PDZD2: variants seen among roughly 807,000 people sequenced by gnomAD.
PDZD2 encodes the protein PDZ domain containing 2, also known as PDZ domain-containing protein 2.
PDZD2 carries 90 observed loss-of-function variants against 220.7 expected under a neutral mutation model. The ratio of observed to expected loss-of-function variants is 0.41; its 90% CI spans 0.34 to 0.49. The LOEUF is 0.49. Among genes scored for constraint, PDZD2 ranks in the 20% least tolerant of loss-of-function variants. PDZD2 has a pLI of 0.28. For missense variants in PDZD2, 3,174 were observed against 3,608.5 expected (o/e 0.88, Z 3.08); for synonymous variants, 1,375 against 1,450.5 (o/e 0.95, Z 1.18).
intron 6 of PDZD2, among the ~76,000 whole-genome samples, chr5:32,025,913 T>A (rs980848914): frequency 6.6e-6 from 1 of 152,058 alleles, no homozygotes; most frequent in Non-Finnish European, 1.5e-5. Flanking sequence ...GATGTCTTAC[T>A]TTTCACCTAA....
At chr5:31,973,418 G>C (rs1036482722) in intron 2 of PDZD2, among the ~76,000 whole-genome samples, 1 of 152,116 alleles carries the variant, frequency 6.6e-6, no homozygotes, top group Non-Finnish European at 1.5e-5. Context: ...CTTTTTATCT[G>C]GTGTTTTCTG....
chr5:32,073,472 A>G (rs541441264), intron 17 of PDZD2, among the ~76,000 whole-genome samples: 2 of 152,294 alleles, frequency 1.3e-5, no homozygotes, highest in Non-Finnish European at 1.5e-5. Context: ...GCATCCTTCT[A>G]TGGAGGAATT....
At chr5:32,069,704 C>G in intron 15 of PDZD2, 54 bp downstream of exon 15, 1 of 860,286 alleles carries the variant, frequency 1.2e-6, no homozygotes. Flanking sequence ...TCATTAAGTT[C>G]ACCCACAGGC....
rs544852989 is a variant in PDZD2, at chr5:31,799,618, C to A, written c.370C>A (p.Leu124Met). The change falls in exon 2 of 25, where the codon CTG becomes ATG. Residue 124 changes from leucine to methionine, a missense_variant. Around this residue, in one of 4 missense-constraint regions of PDZD2, gnomAD observed 632 missense variants for 708.1 expected, o/e 0.89. Transcript: ENST00000438447. ...LDVGCIWVTELRKNSPAGKSG... is the reference protein window; with the variant it reads ...LDVGCIWVTEMRKNSPAGKSG... ...TGTGGGCTGCATCTGGGTGACAGAG[C>A]TGAGGAAGAACAGCCCAGCAGGGAA... 6.2e-7 allele frequency: 1 copy of A among 1,614,074 alleles called. No homozygotes were observed. Among genetic ancestry groups the A allele is most frequent in the South Asian group, 1.1e-5 (1 of 91,082 alleles).
At chr5:32,073,036 T>C (rs1740906939) in intron 17 of PDZD2, among the ~76,000 whole-genome samples, 2 of 152,160 alleles carry the variant, frequency 1.3e-5, no homozygotes. Context: ...TTTAATCTCA[T>C]TGATATATCA....
chr5:32,097,546 T>C (rs1298653322), intron 22 of PDZD2, among the ~76,000 whole-genome samples, 166 bp downstream of exon 22: 1 of 152,214 alleles, frequency 6.6e-6, no homozygotes, highest in Non-Finnish European at 1.5e-5. Flanking sequence ...AAGGTTTTCG[T>C]TGACAAAAGA....
chr5:31,673,922 G>C lies in PDZD2; in HGVS notation c.-361+34485G>C, dbSNP rs12653587. On this transcript the variant is annotated intron_variant, in intron 1 of 24. Coordinates refer to ENST00000438447, the MANE Select transcript of PDZD2 (RefSeq NM_178140.4). ...GGAGGCAGAGTTTGCAGTGAGCTGA[G>C]ATCACGCCACTGTACTCCAGCCTGG... 7.4e-3 allele frequency among the ~76,000 whole-genome samples: 1,124 copies of C among 152,264 alleles called. 19 individuals are homozygous for C. Among genetic ancestry groups the C allele is most frequent in the East Asian group, 0.039 (203 of 5,184 alleles).
rs1224130663 is a variant in PDZD2 at position 32,088,190 on chromosome 5, G to A, written c.4742G>A (p.Arg1581His). ...GCCAGGGACGGCTGGTCCCCTCCTC[G>A]TTCCCGTGTGTCTTTGCACAAGGAA... ...ASARDGWSPP[R>H]SRVSLHKEDP... is the part of the protein sequence containing the mutation. Residue 1581 changes from arginine to histidine, a missense_variant, in exon 20 of 25, where the codon CGT becomes CAT. Arg to His is a conservative substitution (Grantham distance 29). Coordinates refer to ENST00000438447, the MANE Select transcript of PDZD2 (RefSeq NM_178140.4). The surrounding 1 kb of genome is among the most constrained non-coding windows in gnomAD (Gnocchi z 4.6). 16 of 1,614,050 alleles carry A rather than the reference G, an allele frequency of 9.9e-6. No homozygotes were observed. Among genetic ancestry groups the A allele is most frequent in the South Asian group, 4.4e-5 (4 of 91,068 alleles).
chr5:32,021,433 AT>A (rs1754195140), intron 6 of PDZD2, among the ~76,000 whole-genome samples: 1 of 151,930 alleles, frequency 6.6e-6, no homozygotes, highest in African/African-American at 2.4e-5. Flanking sequence ...AGTAGCTGGG[AT>A]TACAGGCACC....
intron 8 of PDZD2, 119 bp from the exon 9 acceptor site, chr5:32,052,492 G>A (rs780944203): frequency 2.0e-5 from 19 of 928,570 alleles, no homozygotes; most frequent in Non-Finnish European, 2.8e-5. Context: ...CTGAACCAGA[G>A]AGAAATGTCT....
intron 1 of PDZD2, among the ~76,000 whole-genome samples, chr5:31,758,076 C>T (rs1241271809): frequency 6.6e-6 from 1 of 152,264 alleles, no homozygotes; most frequent in Non-Finnish European, 1.5e-5. Flanking sequence ...TTGTACGTCT[C>T]GCCTGACAGG....
At chr5:31,958,013 C>T (rs1425537750) in intron 2 of PDZD2, among the ~76,000 whole-genome samples, 3 of 152,006 alleles carry the variant, frequency 2.0e-5, no homozygotes, top group Non-Finnish European at 4.4e-5. Flanking sequence ...AATTTTATAC[C>T]ATTTAAATCC....
intron 1 of PDZD2, among the ~76,000 whole-genome samples, chr5:31,745,395 G>C (rs1248431163): frequency 6.6e-6 from 1 of 152,150 alleles, no homozygotes; most frequent in Non-Finnish European, 1.5e-5. Flanking sequence ...ATCTAGAATA[G>C]TGTCTGATAC....
chr5:31,777,378 GC>G (rs1561451433), intron 1 of PDZD2, among the ~76,000 whole-genome samples: 2 of 151,884 alleles, frequency 1.3e-5, no homozygotes, highest in South Asian at 4.1e-4. Flanking sequence ...CCATGCCTGA[GC>G]CCCCCTCCCC....
At chr5:32,078,003 A>G (rs932222049) in intron 19 of PDZD2, 3 of 196,212 alleles carry the variant, frequency 1.5e-5, no homozygotes, top group Admixed American at 5.4e-5. Flanking sequence ...TTTTAAGGAG[A>G]AAAATCTTTT....
In PDZD2 at chr5:32,010,710, AG is replaced by A. The variant is rs1268438527; in HGVS notation, c.1407+233del. The A allele has an allele frequency of 5.4e-6, 3 of 555,010 alleles. No homozygotes were observed. The Admixed American group carries it at 6.5e-5, about 12-fold the overall frequency. 34.4% of individuals were successfully genotyped at this position (555,010 alleles called of 1,614,324 possible). A position where few individuals can be genotyped will look rare whatever the true frequency, so the allele number is the denominator to read the frequency against. Reference sequence around the variant, plus strand: ...AAATGGTAAACAAGATAAGCAACCCAGGGGGCTGGGCACAGTGGCTTACACC... The same window carrying A: ...AAATGGTAAACAAGATAAGCAACCCAGGGGCTGGGCACAGTGGCTTACACC... On this transcript the variant is annotated intron_variant, in intron 6 of 24. Transcript: ENST00000438447.
At position 32,101,096 on chromosome 5, in the gene PDZD2, C is replaced by T. The variant is rs756402057; in HGVS notation, c.8219-9C>T. 50 of 1,613,902 alleles carry T rather than the reference C, an allele frequency of 3.1e-5. No homozygotes were observed. Among genetic ancestry groups the T allele is most frequent in the South Asian group, 4.4e-5 (4 of 91,080 alleles). Reference sequence around the variant, plus strand: ...GTCATTTTCATCTTGGTGCACGCTGCGGCTGCAGGGAGAAGTGTGGCTGTA... The same window carrying T: ...GTCATTTTCATCTTGGTGCACGCTGTGGCTGCAGGGAGAAGTGTGGCTGTA... On this transcript the variant is annotated splice_polypyrimidine_tract_variant and intron_variant, in intron 23 of 24. Transcript: ENST00000438447.
chr5:32,057,606 C>T (rs773816618), intron 10 of PDZD2, 49 bp from the exon 11 acceptor site: 1 of 1,102,426 alleles, frequency 9.1e-7, no homozygotes, highest in East Asian at 2.4e-5. Flanking sequence ...AGTTAAATTC[C>T]AGGAAATTAA....
At chr5:32,016,446 G>A (rs1753788743) in intron 6 of PDZD2, among the ~76,000 whole-genome samples, 1 of 152,202 alleles carries the variant, frequency 6.6e-6, no homozygotes, top group Non-Finnish European at 1.5e-5. Context: ...TACCAAGGGT[G>A]TAAACCTGTG....
Sources: gnomAD v4.1 joint callset for allele counts (sites outside exome capture counted in the v4.1 genomes callset) on GRCh38, gnomAD v4.1.1 for gene constraint, gnomAD v4.1.1 regional missense constraint, Gnocchi (gnomAD v3.1) non-coding constraint, MANE v1.5 for transcripts, NCBI Gene and HGNC (gene_info 2026-07-23, HGNC 2026-07-21) for gene names.